The following DNAAF11 variants were observed in gnomAD, a reference collection of about 807,000 sequenced individuals.
DNAAF11 encodes dynein axonemal assembly factor 11.
DNAAF11 carries 45 observed loss-of-function variants against 60.8 expected under a neutral mutation model. That is an observed-to-expected ratio of 0.74 (90% confidence interval 0.58 to 0.95). The LOEUF (loss-of-function observed/expected upper bound fraction) is 0.95. Among genes scored for constraint, DNAAF11 ranks in the 40% least tolerant of loss-of-function variants. The probability of loss-of-function intolerance (pLI) is 0.00; values close to 1 mark genes in which losing one functional copy is unlikely to be tolerated. For synonymous variants in DNAAF11, 191 were observed against 183.5 expected (o/e 1.04, Z -0.33); for missense variants, 546 against 546.2 (o/e 1.00, Z 0.00).
In DNAAF11 at chr8:132,572,212, C is replaced by A. The variant is rs1256219932; in HGVS notation, c.*94G>T. The A allele has an allele frequency of 1.0e-6, 1 of 997,594 alleles. No individual in the cohort carries two copies. The highest frequency in any genetic ancestry group is 1.9e-5 in the South Asian group (1 of 51,418). The allele number at this position is 997,594 out of a possible 1,614,324, so 61.8% of individuals were successfully genotyped here. ...GGAGCAGCGATATTGACAAATAACTCTGTGTTTATCCCAGGAATAATATGC... is the reference window on the plus strand; with the variant it reads ...GGAGCAGCGATATTGACAAATAACTATGTGTTTATCCCAGGAATAATATGC... On this transcript the variant is annotated 3_prime_UTR_variant, in exon 12 of 12. Transcript: ENST00000620350.
chr8:132,630,405 A>G (rs1820683726), intron 5 of DNAAF11, among the ~76,000 whole-genome samples: 1 of 152,200 alleles, frequency 6.6e-6, no homozygotes, highest in Non-Finnish European at 1.5e-5. Flanking sequence ...TTAGCTACCC[A>G]TATGAAAAAC....
chr8:132,582,663 C>T (rs1414548622), intron 11 of DNAAF11, among the ~76,000 whole-genome samples: 3 of 152,156 alleles, frequency 2.0e-5, no homozygotes, highest in African/African-American at 7.2e-5. Context: ...TTCAAACAAA[C>T]CCCATGTTTA....
chr8:132,658,539 T>C (rs4559224), intron 2 of DNAAF11, among the ~76,000 whole-genome samples: 32,527 of 151,844 alleles, frequency 0.21, 3,787 homozygotes, highest in African/African-American at 0.31. Flanking sequence ...GCCAGGATGG[T>C]CTCGATCTCC....
chr8:132,663,922 C>T (rs536176553), intron 1 of DNAAF11, among the ~76,000 whole-genome samples: 1 of 152,248 alleles, frequency 6.6e-6, no homozygotes, highest in East Asian at 1.9e-4. Flanking sequence ...TGTCCATGCT[C>T]ATACATGGGT....
At chr8:132,658,014 TC>T (rs777652695) in intron 2 of DNAAF11, among the ~76,000 whole-genome samples, 2 of 152,180 alleles carry the variant, frequency 1.3e-5, no homozygotes, top group African/African-American at 2.4e-5. Flanking sequence ...GCAGCCTCAT[TC>T]AATTAGTGCC....
the DNAAF11 span, among the ~76,000 whole-genome samples, chr8:132,691,408 T>A: frequency 6.6e-6 from 1 of 152,222 alleles, no homozygotes; most frequent in African/African-American, 2.4e-5. Flanking sequence ...GCTCATCTTG[T>A]ATGTTTCATA....
the DNAAF11 span, chr8:132,687,758 T>A: frequency 2.2e-6 from 1 of 449,472 alleles, no homozygotes; most frequent in African/African-American, 2.0e-5. Context: ...AAGCTCATGC[T>A]TTCAATCACT....
At chr8:132,633,667 A>C (rs1413815115) in intron 4 of DNAAF11, among the ~76,000 whole-genome samples, 1 of 152,150 alleles carries the variant, frequency 6.6e-6, no homozygotes, top group East Asian at 1.9e-4. Context: ...AAGGGGCTTT[A>C]CAGGTGTGAT....
In DNAAF11 at chr8:132,675,474, G is replaced by A. The variant is rs1335187718; in HGVS notation, c.10+10C>T. ...GAACGATCGAGGACGGAAGGTGGAG[G>A]GGGGCTTACTCCAGCCCATGGCGCC... On this transcript the variant is annotated intron_variant, in intron 1 of 11. Transcript: ENST00000620350. The A allele has an allele frequency of 1.3e-6, 2 of 1,566,136 alleles. No homozygotes were observed. The highest frequency in any genetic ancestry group is 1.2e-5 in the South Asian group (1 of 86,448).
intron 11 of DNAAF11, among the ~76,000 whole-genome samples, chr8:132,573,671 T>A (rs1288937386): frequency 6.6e-6 from 1 of 152,222 alleles, no homozygotes; most frequent in Non-Finnish European, 1.5e-5. Context: ...TCTAAACTGA[T>A]GTCCTCAGAC....
At chr8:132,630,368 T>C (rs1404805262) in intron 5 of DNAAF11, among the ~76,000 whole-genome samples, 1 of 152,140 alleles carries the variant, frequency 6.6e-6, no homozygotes, top group Non-Finnish European at 1.5e-5. Flanking sequence ...GGGAAAAGAA[T>C]AGCACCTTAA....
rs1820948081 is a variant in DNAAF11 at position 132,632,919 on chromosome 8, T to C, written c.474A>G (p.Ala158=). The stretch of plus-strand genomic sequence containing the variant: ...GTTCAATTACTGAATAGTCCTGCAA[T>C]GCCTTAATCCTTTCTGAAGGCTCTA... ...KEIEPSERIK[A]LQDYSVIEPQ... is the part of the protein sequence containing the mutation. The change falls in exon 5 of 12, where the codon GCA becomes GCG. Residue 158 remains alanine, a synonymous_variant. Transcript: ENST00000620350. 1 of 1,613,886 alleles carries C rather than the reference T, an allele frequency of 6.2e-7. No individual in the cohort carries two copies. The highest frequency in any genetic ancestry group is 8.5e-7 in the Non-Finnish European group (1 of 1,179,892).
chr8:132,590,159 C>G (rs1177107477), intron 10 of DNAAF11, among the ~76,000 whole-genome samples: 1 of 152,184 alleles, frequency 6.6e-6, no homozygotes, highest in Non-Finnish European at 1.5e-5. Flanking sequence ...ACCCTGCTGG[C>G]CTTCCATGTT....
chr8:132,687,487 T>A, the DNAAF11 span: 1 of 388,314 alleles, frequency 2.6e-6, no homozygotes, highest in Non-Finnish European at 5.1e-6. Context: ...TGACTCTGCC[T>A]TCCCAGAGCA....
At position 132,611,327 on chromosome 8, in the gene DNAAF11, T is replaced by C. The variant is rs368167391; in HGVS notation, c.1011A>G (p.Gln337=). The change falls in exon 9 of 12, where the codon CAA becomes CAG. Residue 337 remains glutamine (Q), a synonymous_variant. Transcript: ENST00000620350. ...TGATCATTACTCGCACGTAAGTTGG[T>C]TGCACATCAACATCGATTAAAGAGG... ...MDTSLIDVDV[Q]PTYVRVMIKG... 47 of 1,612,148 alleles carry C rather than the reference T, an allele frequency of 2.9e-5. No homozygotes were observed. The highest frequency in any genetic ancestry group is 1.7e-4 in the Middle Eastern group (1 of 5,954).
intron 10 of DNAAF11, among the ~76,000 whole-genome samples, chr8:132,598,530 G>C (rs1364309989): frequency 1.3e-5 from 2 of 152,158 alleles, no homozygotes; most frequent in Admixed American, 1.3e-4. Context: ...AAGTCTTTCA[G>C]GGCAGGGGCC....
At chr8:132,624,291 A>C (rs1820041268) in intron 6 of DNAAF11, among the ~76,000 whole-genome samples, 1 of 152,178 alleles carries the variant, frequency 6.6e-6, no homozygotes, top group Non-Finnish European at 1.5e-5. Context: ...ATCCCTGTTT[A>C]GCAGATGAAG....
chr8:132,672,199 AAAG>A (rs1305579034), intron 1 of DNAAF11, among the ~76,000 whole-genome samples: 2 of 152,190 alleles, frequency 1.3e-5, no homozygotes, highest in African/African-American at 2.4e-5. Flanking sequence ...ACATTTCACC[AAAG>A]AAGATCTATA....
Position 132,612,699 on chromosome 8 carries a change from G to A in DNAAF11, c.975-1336C>T, listed in dbSNP as rs142649450. On this transcript the variant is annotated intron_variant, in intron 8 of 11. Coordinates refer to ENST00000620350, the MANE Select transcript of DNAAF11 (RefSeq NM_012472.6). ...GACAGTTACAGTCTCCCCATGCCTG[G>A]CACATAGTAGGTATTCTATAGATGC... is the stretch of plus-strand genomic sequence containing the variant. 2.2e-4 allele frequency among the ~76,000 whole-genome samples: 34 copies of A among 152,268 alleles called. 1 individual carries two copies. The East Asian group carries it at 6.4e-3, about 29-fold the overall frequency.
Sources: gnomAD v4.1 joint callset for allele counts (sites outside exome capture counted in the v4.1 genomes callset) on GRCh38, gnomAD v4.1.1 for gene constraint, MANE v1.5 for transcripts, NCBI Gene and HGNC (gene_info 2026-07-23, HGNC 2026-07-21) for gene names.